The following NARF variants were observed in gnomAD, a reference collection of about 807,000 sequenced individuals.
NARF encodes iron-only hydrogenase-like protein 2.
Under a neutral mutation model 48.0 loss-of-function variants are expected in NARF, and 41 were observed. That is an observed-to-expected ratio of 0.85 (90% CI 0.66 to 1.11). The LOEUF (loss-of-function observed/expected upper bound fraction) is 1.11, where lower values mean the gene tolerates loss of function less well. Among genes scored for constraint, NARF ranks in the 50% least tolerant of loss-of-function variants. The probability of loss-of-function intolerance (pLI) is 0.00; values close to 1 mark genes in which losing one functional copy is unlikely to be tolerated. For missense variants in NARF, 613 were observed against 590.2 expected, an observed-to-expected ratio of 1.04 and a Z score of -0.40; for synonymous variants, 215 against 225.5, an observed-to-expected ratio of 0.95 and a Z score of 0.42.
At chr17:82,480,949 A>AC in intron 6 of NARF, 133 bp from the exon 7 acceptor site, 1 of 928,940 alleles carries the variant, frequency 1.1e-6, no homozygotes, top group Non-Finnish European at 1.5e-6. Flanking sequence ...AAAAAAAAAA[A>AC]GAGTGCAGCA....
At position 82,475,375 on chromosome 17, in the gene NARF, C is replaced by T. The variant is rs548566116; in HGVS notation, c.520+2677C>T. Among the ~76,000 whole-genome samples the T allele has an allele frequency of 3.6e-4, 55 of 152,254 alleles. 1 individual carries two copies. In the South Asian group the frequency reaches 0.011, roughly 30 times the overall value. ...CAGCACTTTGGGAGGCCGAGGTGGG[C>T]GGATCACAAGGTCAGGAGATTGAGA... On this transcript the variant is annotated intron_variant, in intron 5 of 10. Coordinates refer to ENST00000309794, the MANE Select transcript of NARF (RefSeq NM_012336.4).
intron 10 of NARF, 45 bp downstream of exon 10, chr17:82,485,699 T>C (rs745561137): frequency 1.9e-6 from 3 of 1,607,980 alleles, no homozygotes; most frequent in Non-Finnish European, 2.6e-6. Context: ...CCACGGGTGC[T>C]CAGGCCACAC....
chr17:82,471,333 T>C (rs894940874), intron 4 of NARF, among the ~76,000 whole-genome samples: 1 of 150,434 alleles, frequency 6.6e-6, no homozygotes, highest in Non-Finnish European at 1.5e-5. Flanking sequence ...CGGGCGCCTG[T>C]AGTCCCAGCT....
upstream of NARF, chr17:82,458,695 C>T (rs1171988945): frequency 5.9e-6 from 8 of 1,366,504 alleles, no homozygotes; most frequent in African/African-American, 9.2e-5. Flanking sequence ...GGGGTGAGGC[C>T]GCGTCGGGGG....
At chr17:82,466,427 G>C (rs149400967) in intron 3 of NARF, among the ~76,000 whole-genome samples, 4 of 151,980 alleles carry the variant, frequency 2.6e-5, no homozygotes, top group Non-Finnish European at 5.9e-5. Context: ...ATTTTAGTAC[G>C]GTGTGCGATG....
intron 1 of NARF, chr17:82,459,556 T>C: frequency 6.1e-6 from 1 of 163,824 alleles, no homozygotes; most frequent in Non-Finnish European, 1.3e-5. Flanking sequence ...CAGTACCTGT[T>C]TCACTAGAAG....
chr17:82,488,277 T>G lies in NARF; in HGVS notation c.*120T>G, dbSNP rs1398451741. 6.9e-7 allele frequency: 1 copy of G among 1,442,016 alleles called. No homozygotes were observed. Among genetic ancestry groups the G allele is most frequent in the Non-Finnish European group, 9.1e-7 (1 of 1,093,394 alleles). The allele number at this position is 1,442,016 out of a possible 1,614,324, so 89.3% of individuals were successfully genotyped here. On this transcript the variant is annotated 3_prime_UTR_variant, in exon 11 of 11. Transcript: ENST00000309794. The stretch of plus-strand genomic sequence containing the variant: ...TAAGAAAACCGCTCAATGGATTACT[T>G]TGGTTTCTCCGAGTTCCCTGCTACC...
rs1036359420 is a variant in NARF, at chr17:82,472,566, G to C, written c.388G>C (p.Val130Leu). Residue 130 changes from valine (V) to leucine (L), a missense_variant and splice_region_variant, in exon 5 of 11, where the codon GTG (valine) becomes CTG (leucine). Coordinates refer to ENST00000309794, the MANE Select transcript of NARF (RefSeq NM_012336.4). ...GAATATGCTCCTCTCTCCTGCAGGG[G>C]TGCACTATGTATTTGATACGACGAT... ...RLCGFLKSLG[V>L]HYVFDTTIAA... The C allele has an allele frequency of 6.2e-7, 1 of 1,611,856 alleles. No individual in the cohort carries two copies. The highest frequency in any genetic ancestry group is 1.3e-5 in the African/African-American group (1 of 74,850).
chr17:82,484,952 TGTG>T lies in NARF; in HGVS notation c.971+4_971+6del. 6.2e-7 allele frequency: 1 copy of T among 1,600,036 alleles called. No homozygotes were observed. Among genetic ancestry groups the T allele is most frequent in the Non-Finnish European group, 8.5e-7 (1 of 1,172,678 alleles). On this transcript the variant is annotated splice_donor_5th_base_variant and intron_variant, in intron 9 of 10. Transcript: ENST00000309794. ...GGAGGTCACTTACCGAGCCCTGAGG[TGTG>T]GGGCAGTATCCACAGCCTGTCTGTG...
chr17:82,459,208 G>A (rs1215321310), intron 1 of NARF: 1 of 1,034,934 alleles, frequency 9.7e-7, no homozygotes, highest in African/African-American at 1.7e-5. Context: ...GAGGGTCACC[G>A]AGCAGCCGGT....
intron 10 of NARF, 128 bp from the exon 11 acceptor site, chr17:82,487,788 C>CCAAAAAA: frequency 6.6e-6 from 5 of 759,758 alleles, no homozygotes; most frequent in Non-Finnish European, 6.2e-6. Flanking sequence ...CCCTCCCGCC[C>CCAAAAAA]AATCTCTACA....
At chr17:82,486,173 T>G (rs1373998317) in intron 10 of NARF, among the ~76,000 whole-genome samples, 1 of 152,048 alleles carries the variant, frequency 6.6e-6, no homozygotes, top group East Asian at 1.9e-4. Flanking sequence ...GATCCCCACC[T>G]GGGGCAGGGG....
upstream of NARF, chr17:82,458,624 A>T (rs928203711): frequency 1.4e-6 from 1 of 734,026 alleles, no homozygotes; most frequent in Admixed American, 4.3e-5. Context: ...GGGGAATCCT[A>T]TTGGCCCAGG....
intron 10 of NARF, 99 bp downstream of exon 10, chr17:82,485,753 A>T: frequency 7.3e-7 from 1 of 1,374,958 alleles, no homozygotes; most frequent in South Asian, 1.3e-5. Flanking sequence ...GGCCACCCAG[A>T]GCCTCTCTCA....
intron 3 of NARF, among the ~76,000 whole-genome samples, chr17:82,467,125 C>T (rs2043589484): frequency 6.6e-6 from 1 of 152,082 alleles, no homozygotes; most frequent in South Asian, 2.1e-4. Flanking sequence ...TGGCTAACTG[C>T]GACCTCCACC....
Position 82,488,451 on chromosome 17 carries a change from C to T in NARF, c.*294C>T, listed in dbSNP as rs960614234. 1.0e-5 allele frequency: 3 copies of T among 298,028 alleles called. No homozygotes were observed. The highest frequency in any genetic ancestry group is 1.9e-5 in the Non-Finnish European group (3 of 158,530). 18.5% of individuals were successfully genotyped at this position (298,028 alleles called of 1,614,324 possible). On this transcript the variant is annotated 3_prime_UTR_variant, in exon 11 of 11. Transcript: ENST00000309794. ...AGTGCAATGGCGCAATCTCAGCTCA[C>T]TGCAACCTCTGCCTCCCGGGTTCAA...
In NARF at chr17:82,489,292, C is replaced by G. The variant is rs939026512; in HGVS notation, c.*1135C>G. ...ACACTCGGCCCTGGGCCATTCCTCA[C>G]AGCCAGTCACCACCCTCCTGGACCA... On this transcript the variant is annotated 3_prime_UTR_variant, in exon 11 of 11. Transcript: ENST00000309794. 6.3e-6 allele frequency: 1 copy of G among 159,416 alleles called. No individual in the cohort carries two copies. The highest frequency in any genetic ancestry group is 2.4e-5 in the African/African-American group (1 of 41,442). 9.9% of individuals were successfully genotyped at this position (159,416 alleles called of 1,614,324 possible).
Position 82,458,839 on chromosome 17 carries a change from C to T in NARF, c.27+9C>T, listed in dbSNP as rs752491075. ...AGCACTGCACGCGCAAGGTGAGCGCCGCGGGCCGGGGAGGCGCGCGCCTGG... is the reference window on the plus strand; with the variant it reads ...AGCACTGCACGCGCAAGGTGAGCGCTGCGGGCCGGGGAGGCGCGCGCCTGG... On this transcript the variant is annotated intron_variant, in intron 1 of 10. Coordinates refer to ENST00000309794, the MANE Select transcript of NARF (RefSeq NM_012336.4). The T allele has an allele frequency of 2.9e-6, 4 of 1,399,848 alleles. No homozygotes were observed. The highest frequency in any genetic ancestry group is 3.0e-5 in the Admixed American group (1 of 32,842). The allele number at this position is 1,399,848 out of a possible 1,614,324, so 86.7% of individuals were successfully genotyped here.
chr17:82,488,295 C>CGCTCAATGGATTACTT lies in NARF; in HGVS notation c.*138_*139insGCTCAATGGATTACTT. ...GATTACTTTGGTTTCTCCGAGTTCC[C>CGCTCAATGGATTACTT]TGCTACCCCGTTTATTGGAGGCCCC... On this transcript the variant is annotated 3_prime_UTR_variant, in exon 11 of 11. Transcript: ENST00000309794. The CGCTCAATGGATTACTT allele has an allele frequency of 3.7e-6, 5 of 1,351,368 alleles. No individual in the cohort carries two copies. The highest frequency in any genetic ancestry group is 4.9e-6 in the Non-Finnish European group (5 of 1,019,710). 83.7% of individuals were successfully genotyped at this position (1,351,368 alleles called of 1,614,324 possible).
Sources: gnomAD v4.1 joint callset for allele counts (sites outside exome capture counted in the v4.1 genomes callset) on GRCh38, gnomAD v4.1.1 for gene constraint, MANE v1.5 for transcripts, NCBI Gene and HGNC (gene_info 2026-07-23, HGNC 2026-07-21) for gene names.